PCDHA4: variants seen among roughly 807,000 people sequenced by gnomAD.
PCDHA4 encodes protocadherin alpha-4.
PCDHA4 carries 49 observed loss-of-function variants against 61.4 expected under a neutral mutation model. That is an observed-to-expected ratio of 0.80 (90% CI 0.63 to 1.01). The LOEUF (loss-of-function observed/expected upper bound fraction) is 1.01. Among genes scored for constraint, PCDHA4 ranks in the 50% least tolerant of loss-of-function variants. The pLI is 0.00. For synonymous variants in PCDHA4, 590 were observed against 550.3 expected, an observed-to-expected ratio of 1.07 and a Z score of -1.01; for missense variants, 1,254 against 1,235.8, an observed-to-expected ratio of 1.01 and a Z score of -0.22.
chr5:140,964,689 GAGAGATTA>G (rs781865484), intron 1 of PCDHA4, among the ~76,000 whole-genome samples: 4 of 152,008 alleles, frequency 2.6e-5, no homozygotes, highest in Non-Finnish European at 5.9e-5. Context: ...TTGTGCACTT[GAGAGATTA>G]AGGCCTCCGA....
chr5:140,914,159 G>A (rs1193212496), intron 1 of PCDHA4, among the ~76,000 whole-genome samples: 3 of 152,088 alleles, frequency 2.0e-5, no homozygotes, highest in African/African-American at 4.8e-5. Flanking sequence ...TGTCCAATAC[G>A]GAAAGTGGGG....
intron 1 of PCDHA4, among the ~76,000 whole-genome samples, chr5:140,924,973 GCTCATGT>G (rs1447379119): frequency 2.0e-5 from 3 of 151,826 alleles, no homozygotes; most frequent in African/African-American, 7.2e-5. Flanking sequence ...GAGTGCAGTG[GCTCATGT>G]CTGTAATCCT....
At chr5:140,977,671 A>G (rs2096770792) in intron 1 of PCDHA4, among the ~76,000 whole-genome samples, 1 of 152,178 alleles carries the variant, frequency 6.6e-6, no homozygotes, top group South Asian at 2.1e-4. Flanking sequence ...CTGCATGCCA[A>G]ATATCATGTA....
At chr5:140,881,471 G>T (rs1420508750) in intron 1 of PCDHA4, 1 of 555,772 alleles carries the variant, frequency 1.8e-6, no homozygotes, top group Non-Finnish European at 2.3e-6. Flanking sequence ...CATTGTTGTG[G>T]CTAAATTATT....
intron 1 of PCDHA4, among the ~76,000 whole-genome samples, chr5:140,924,635 C>G (rs2081927697): frequency 6.6e-6 from 1 of 152,108 alleles, no homozygotes; most frequent in Non-Finnish European, 1.5e-5. Context: ...GGGCTCACAC[C>G]TGTAATCCCA....
At chr5:140,922,430 A>G (rs574413053) in intron 1 of PCDHA4, among the ~76,000 whole-genome samples, 6 of 152,246 alleles carry the variant, frequency 3.9e-5, no homozygotes, top group Non-Finnish European at 7.3e-5. Context: ...GGCTGAGGGC[A>G]GAACTCTCTC....
chr5:140,937,130 C>T (rs899242411), intron 1 of PCDHA4, among the ~76,000 whole-genome samples: 12 of 151,674 alleles, frequency 7.9e-5, no homozygotes, highest in Non-Finnish European at 1.3e-4. Flanking sequence ...CTCCGCCTCC[C>T]GGGTTCATGC....
chr5:140,938,124 A>G (rs2091929948), intron 1 of PCDHA4, among the ~76,000 whole-genome samples: 1 of 152,076 alleles, frequency 6.6e-6, no homozygotes, highest in South Asian at 2.1e-4. Flanking sequence ...TTTTTTTAAA[A>G]AAATAGAGAT....
chr5:140,974,467 A>C (rs2096628825), intron 1 of PCDHA4, among the ~76,000 whole-genome samples: 1 of 152,228 alleles, frequency 6.6e-6, no homozygotes, highest in Non-Finnish European at 1.5e-5. Context: ...TTCAGAGGAA[A>C]GTATTCCACC....
Position 140,821,905 on chromosome 5 carries a change from G to A in PCDHA4, c.2385+12333G>A, listed in dbSNP as rs2150111828. The stretch of plus-strand genomic sequence containing the variant: ...GGAGGAAGCCAAACACGGAACCTTC[G>A]TTGGCCGCATCGCGCAGGACCTAGG... On this transcript the variant is annotated intron_variant, in intron 1 of 3. Transcript: ENST00000530339. 12 of 1,614,120 alleles carry A rather than the reference G, an allele frequency of 7.4e-6. No homozygotes were observed. The African/African-American group carries it at 9.3e-5, about 13-fold the overall frequency.
chr5:140,856,318 C>G (rs200204071), intron 1 of PCDHA4: 2 of 1,598,576 alleles, frequency 1.3e-6, no homozygotes, highest in East Asian at 4.5e-5. Context: ...CTCGGATTGA[C>G]CGCGAGGAGC....
chr5:140,841,654 C>T lies in PCDHA4; in HGVS notation c.2385+32082C>T, dbSNP rs1270188852. ...GCATCCACCTGGAGGTGATCGTGGA[C>T]AGGCCGCTGCAGGTTTTCCATGTGG... On this transcript the variant is annotated intron_variant, in intron 1 of 3. Transcript: ENST00000530339. 3 of 1,613,998 alleles carry T rather than the reference C, an allele frequency of 1.9e-6. No homozygotes were observed. In the African/African-American group the frequency reaches 4.0e-5, roughly 22 times the overall value.
intron 1 of PCDHA4, chr5:140,849,770 T>A (rs1407416435): frequency 6.3e-7 from 1 of 1,598,458 alleles, no homozygotes; most frequent in East Asian, 2.2e-5. Flanking sequence ...AGCTGGTGGT[T>A]ACCGCGCGGG....
At position 140,835,754 on chromosome 5, in the gene PCDHA4, G is replaced by C. The variant is rs1562349342; in HGVS notation, c.2385+26182G>C. On this transcript the variant is annotated intron_variant, in intron 1 of 3. Coordinates refer to ENST00000530339, the MANE Select transcript of PCDHA4 (RefSeq NM_018907.4). ...ACGACAACGCCCCGGCGTTCGCGCA[G>C]CCCGAGTATACGGTGTTCGTGAAGG... 3.1e-6 allele frequency: 5 copies of C among 1,613,576 alleles called. No individual in the cohort carries two copies. In the Admixed American group the frequency reaches 8.3e-5, roughly 27 times the overall value.
intron 1 of PCDHA4, among the ~76,000 whole-genome samples, chr5:140,935,347 T>C (rs886241397): frequency 1.3e-5 from 2 of 152,180 alleles, no homozygotes; most frequent in African/African-American, 4.8e-5. Flanking sequence ...ATACGTCAAA[T>C]CCCAGTTTTC....
At chr5:140,918,889 A>C (rs1057244376) in intron 1 of PCDHA4, among the ~76,000 whole-genome samples, 5 of 152,218 alleles carry the variant, frequency 3.3e-5, no homozygotes, top group African/African-American at 4.8e-5. Context: ...GAACAGTGAA[A>C]AATAAATCTC....
intron 1 of PCDHA4, chr5:140,854,252 T>C (rs1188551859): frequency 1.8e-5 from 11 of 627,946 alleles, no homozygotes; most frequent in African/African-American, 2.0e-5. Flanking sequence ...TCACTTGGTA[T>C]AAAATGTACA....
chr5:140,953,187 T>A (rs2094856489), intron 1 of PCDHA4, among the ~76,000 whole-genome samples: 1 of 152,148 alleles, frequency 6.6e-6, no homozygotes, highest in South Asian at 2.1e-4. Flanking sequence ...AGAATAAACT[T>A]GATTAGACTA....
chr5:140,943,257 CAAA>C (rs1238620023), intron 1 of PCDHA4, among the ~76,000 whole-genome samples: 2 of 77,570 alleles, frequency 2.6e-5, no homozygotes. Flanking sequence ...GACTCTGTCT[CAAA>C]AAAAAAAAAA....
Sources: allele counts gnomAD v4.1 joint callset (sites outside exome capture counted in the v4.1 genomes callset), GRCh38; gene constraint gnomAD v4.1.1; transcripts MANE v1.5; gene names NCBI Gene and HGNC (gene_info 2026-07-23, HGNC 2026-07-21).